TCERG1: variants seen among roughly 807,000 people sequenced by gnomAD.
TCERG1 encodes transcription elongation regulator 1.
A neutral mutation model predicts 144.7 loss-of-function variants in TCERG1; 37 were observed. The ratio of observed to expected loss-of-function variants is 0.26; its 90% CI spans 0.20 to 0.34. TCERG1 has a LOEUF of 0.34. TCERG1 is among the 10% of genes least tolerant of loss of function. The probability of loss-of-function intolerance (pLI) is 1.00; values close to 1 mark genes in which losing one functional copy is unlikely to be tolerated. For synonymous variants in TCERG1, 492 were observed against 458.2 expected (o/e 1.07, Z -0.94); for missense variants, 1,027 against 1,380.7 (o/e 0.74, Z 4.06).
chr5:146,502,626 T>G (rs969285214), intron 17 of TCERG1, among the ~76,000 whole-genome samples: 6 of 152,194 alleles, frequency 3.9e-5, no homozygotes, highest in African/African-American at 1.4e-4. Context: ...AACTTGGTAT[T>G]TCAGTTGTTG....
At chr5:146,510,330 A>G in intron 22 of TCERG1, 111 bp from the exon 23 acceptor site, 1 of 933,354 alleles carries the variant, frequency 1.1e-6, no homozygotes, top group Non-Finnish European at 1.5e-6. Flanking sequence ...AAAAAAAAAA[A>G]AAAAAAAAAA....
At chr5:146,501,242 G>A (rs1767413691) in intron 17 of TCERG1, among the ~76,000 whole-genome samples, 1 of 151,886 alleles carries the variant, frequency 6.6e-6, no homozygotes, top group Admixed American at 6.6e-5. Flanking sequence ...AATTATTTTT[G>A]TTATAGTAAG....
rs1172625807 is a variant in TCERG1 at position 146,477,165 on chromosome 5, A to G, written c.1602-1328A>G. On this transcript the variant is annotated intron_variant, in intron 9 of 22. Transcript: ENST00000679501. ...AATTTCAGTTATTTTTAATTTCTAA[A>G]TTTTCCTTTTGGTTTTTTTTTTGTA... Among the ~76,000 whole-genome samples, 3 of 149,524 alleles carry G rather than the reference A, an allele frequency of 2.0e-5. No individual in the cohort carries two copies. In the East Asian group the frequency reaches 5.9e-4, roughly 29 times the overall value.
chr5:146,504,109 T>A, intron 19 of TCERG1, 103 bp downstream of exon 19: 1 of 1,133,874 alleles, frequency 8.8e-7, no homozygotes, highest in Non-Finnish European at 1.2e-6. Context: ...CTGAGGGAGA[T>A]AATTTGCTAA....
intron 10 of TCERG1, among the ~76,000 whole-genome samples, chr5:146,479,547 T>G (rs1352484512): frequency 6.6e-6 from 1 of 152,176 alleles, no homozygotes; most frequent in Non-Finnish European, 1.5e-5. Context: ...TTTTTAAATA[T>G]TTGATTCATT....
rs1396466173 is a variant in TCERG1, at chr5:146,459,311, C to T, written c.866C>T (p.Ala289Val). 2 of 1,614,178 alleles carry T rather than the reference C, an allele frequency of 1.2e-6. No homozygotes were observed. The highest frequency in any genetic ancestry group is 1.7e-6 in the Non-Finnish European group (2 of 1,180,008). The change falls in exon 4 of 23, where the codon GCT becomes GTT. Residue 289 changes from alanine (A) to valine (V), a missense_variant. Physicochemically the swap from Ala to Val is moderately conservative, Grantham distance 64. Transcript: ENST00000679501. ...PSSTTSTTTT[A>V]TSVAQTVSTP... ...TCTACCACTTCTACCACAACAACTG[C>T]TACTTCAGTTGCGCAGACAGTATCA...
At chr5:146,472,723 G>GTGTGTGTGTGTGTGTGTGTA (rs1764451493) in intron 9 of TCERG1, among the ~76,000 whole-genome samples, 3 of 151,618 alleles carry the variant, frequency 2.0e-5, no homozygotes. Flanking sequence ...GTGTGTGTGT[G>GTGTGTGTGTGTGTGTGTGTA]TGTGTTTTGA....
intron 8 of TCERG1, among the ~76,000 whole-genome samples, chr5:146,471,120 G>A (rs1000651191): frequency 2.0e-5 from 3 of 152,180 alleles, no homozygotes; most frequent in African/African-American, 7.2e-5. Context: ...TCCATGTATA[G>A]CACTAAAAGA....
At chr5:146,491,858 G>A (rs1766459069) in intron 15 of TCERG1, among the ~76,000 whole-genome samples, 1 of 152,194 alleles carries the variant, frequency 6.6e-6, no homozygotes, top group Admixed American at 6.5e-5. Flanking sequence ...ACATACGTAA[G>A]GGTATAAGCA....
intron 19 of TCERG1, among the ~76,000 whole-genome samples, chr5:146,506,678 C>G (rs1050543066): frequency 6.6e-6 from 1 of 152,160 alleles, no homozygotes; most frequent in South Asian, 2.1e-4. Flanking sequence ...TCTCCTACCC[C>G]CTAGACTTTG....
At chr5:146,470,818 A>G (rs1764221131) in intron 8 of TCERG1, 70 bp downstream of exon 8, 3 of 1,019,094 alleles carry the variant, frequency 2.9e-6, no homozygotes, top group South Asian at 3.5e-5. Context: ...GTATCTGAGT[A>G]TCTATTGGAT....
chr5:146,492,951 A>G lies in TCERG1; in HGVS notation c.2195A>G (p.Glu732Gly). ...VFDQYVKTRA[E>G]EERREKKNKI... is the part of the protein sequence containing the mutation. ...GATCAGTATGTAAAGACCAGGGCAGAGGAAGAACGCAGGGAAAAGAAAAAT... is the reference window on the plus strand; with the variant it reads ...GATCAGTATGTAAAGACCAGGGCAGGGGAAGAACGCAGGGAAAAGAAAAAT... Residue 732 changes from glutamate (E) to glycine (G), a missense_variant, in exon 16 of 23, where the codon GAG becomes GGG. Glu to Gly is a moderately conservative substitution (Grantham distance 98). Coordinates refer to ENST00000679501, the MANE Select transcript of TCERG1 (RefSeq NM_001382548.1). 1 of 1,608,120 alleles carries G rather than the reference A, an allele frequency of 6.2e-7. No individual in the cohort carries two copies. The highest frequency in any genetic ancestry group is 8.5e-7 in the Non-Finnish European group (1 of 1,177,788).
chr5:146,510,349 A>G, intron 22 of TCERG1, 92 bp from the exon 23 acceptor site: 1 of 928,886 alleles, frequency 1.1e-6, no homozygotes, highest in Non-Finnish European at 1.6e-6. Flanking sequence ...AAATGGAAAC[A>G]CAATTAGGAA....
Position 146,457,055 on chromosome 5 carries a change from C to T in TCERG1, c.286-128C>T, listed in dbSNP as rs574199079. The T allele has an allele frequency of 9.8e-6, 12 of 1,223,660 alleles. No individual in the cohort carries two copies. The South Asian group carries it at 1.5e-4, about 15-fold the overall frequency. The allele number at this position is 1,223,660 out of a possible 1,614,324, so 75.8% of individuals were successfully genotyped here. ...TGTTGCAGACATTTTGCTTCTATGA[C>T]AGGTGAATGTGTTTGAATAGACTAT... On this transcript the variant is annotated intron_variant, in intron 2 of 22. Coordinates refer to ENST00000679501, the MANE Select transcript of TCERG1 (RefSeq NM_001382548.1).
chr5:146,478,467 G>T, intron 9 of TCERG1, 26 bp from the exon 10 acceptor site: 1 of 1,556,522 alleles, frequency 6.4e-7, no homozygotes, highest in Non-Finnish European at 8.6e-7. Flanking sequence ...TAACATAAGA[G>T]AATGATATTT....
In TCERG1 at chr5:146,503,783, T is replaced by C; in HGVS notation, c.2599-41T>C. ...GTTATTCTGTAAAAACATATTTTGA[T>C]GGAGTTGGTAAGAAGGATAATGTAG... On this transcript the variant is annotated intron_variant, in intron 18 of 22. Transcript: ENST00000679501. 7 of 1,538,654 alleles carry C rather than the reference T, an allele frequency of 4.5e-6. No homozygotes were observed. The South Asian group carries it at 9.1e-5, about 20-fold the overall frequency.
chr5:146,504,122 TAGAA>T, intron 19 of TCERG1, 116 bp downstream of exon 19: 1 of 1,092,354 alleles, frequency 9.2e-7, no homozygotes, highest in Non-Finnish European at 1.2e-6. Context: ...TTTGCTAAAT[TAGAA>T]AGCATTTAAA....
chr5:146,503,651 T>A (rs1767686663), intron 18 of TCERG1, 112 bp downstream of exon 18: 1 of 1,412,890 alleles, frequency 7.1e-7, no homozygotes, highest in East Asian at 2.3e-5. Context: ...TTTTTCTTGT[T>A]AGTATTCTTA....
Position 146,447,339 on chromosome 5 carries a change from G to C in TCERG1, c.-11G>C, listed in dbSNP as rs1414887648. On this transcript the variant is annotated 5_prime_UTR_variant, in exon 1 of 23. Transcript: ENST00000679501. ...GTCGGGTCGGCGGGTGGATGAACGC[G>C]GCCCTCTGTAATGGCGGAGCGTGGC... 6.2e-7 allele frequency: 1 copy of C among 1,611,532 alleles called. No individual in the cohort carries two copies. The highest frequency in any genetic ancestry group is 8.5e-7 in the Non-Finnish European group (1 of 1,178,996).
Sources: allele counts gnomAD v4.1 joint callset (sites outside exome capture counted in the v4.1 genomes callset), GRCh38; gene constraint gnomAD v4.1.1; transcripts MANE v1.5; gene names NCBI Gene and HGNC (gene_info 2026-07-23, HGNC 2026-07-21).